The following MAPT variants were observed in gnomAD, a reference collection of about 807,000 sequenced individuals.
The protein encoded by MAPT is microtubule associated protein tau, also known as microtubule-associated protein tau.
In MAPT, 34 loss-of-function variants were observed where a neutral mutation model predicts 67.9. The ratio of observed to expected loss-of-function variants is 0.50; its 90% CI spans 0.38 to 0.67. The LOEUF (loss-of-function observed/expected upper bound fraction) is 0.67. Among genes scored for constraint, MAPT ranks in the 30% least tolerant of loss-of-function variants. MAPT has a pLI of 0.00. For missense variants in MAPT, 881 were observed against 1,115.2 expected, an observed-to-expected ratio of 0.79 and a Z score of 2.99; for synonymous variants, 456 against 464.5, an observed-to-expected ratio of 0.98 and a Z score of 0.23.
chr17:45,999,637 G>A, intron 9 of MAPT: 14 of 1,609,760 alleles, frequency 8.7e-6, no homozygotes, highest in Non-Finnish European at 1.2e-5. Flanking sequence ...CATGAGGGGT[G>A]AGAGTCAGGC....
chr17:45,983,597 ATCCCCCTCCCTGTGGATT>A lies in MAPT; in HGVS notation c.1022_1039del (p.Pro341_Phe346del), dbSNP rs2073215958. The A allele has an allele frequency of 6.2e-7, 1 of 1,613,248 alleles. No individual in the cohort carries two copies. On this transcript the variant is annotated inframe_deletion, in exon 5 of 13. Transcript: ENST00000262410. Reference sequence around the variant, plus strand: ...CCCAGGCTTCCCAGCGGAGGGTGCCATCCCCCTCCCTGTGGATTTCCTCTCCAAAGTTTCCACAGAGAT... The same window carrying A: ...CCCAGGCTTCCCAGCGGAGGGTGCCATCCTCTCCAAAGTTTCCACAGAGAT...
intron 5 of MAPT, chr17:45,985,718 G>A (rs1223238323): frequency 1.6e-5 from 16 of 985,320 alleles, no homozygotes; most frequent in Non-Finnish European, 1.9e-5. Flanking sequence ...GGATGGTGCT[G>A]GTTGATGTGG....
At chr17:45,987,294 G>A (rs1236028945) in intron 6 of MAPT, among the ~76,000 whole-genome samples, 199 bp downstream of exon 6, 2 of 152,210 alleles carry the variant, frequency 1.3e-5, no homozygotes. Flanking sequence ...CCAGGGAAGA[G>A]CAGTTGGCAG....
chr17:45,991,367 G>T, intron 7 of MAPT, 93 bp from the exon 8 acceptor site: 1 of 1,536,984 alleles, frequency 6.5e-7, no homozygotes, highest in South Asian at 1.1e-5. Context: ...GCCACGTTTT[G>T]AGTCAAGGTG....
chr17:45,982,369 G>A (rs1248281355), intron 4 of MAPT, among the ~76,000 whole-genome samples: 1 of 150,934 alleles, frequency 6.6e-6, no homozygotes, highest in East Asian at 2.0e-4. Context: ...ACAGTGAGAG[G>A]TAGGGAGAGG....
At position 45,983,717 on chromosome 17, in the gene MAPT, G is replaced by A. The variant is rs755437552; in HGVS notation, c.1138G>A (p.Val380Met). The A allele has an allele frequency of 1.3e-5, 21 of 1,614,074 alleles. No homozygotes were observed. The highest frequency in any genetic ancestry group is 7.7e-5 in the South Asian group (7 of 91,090). ...QDAPLEFTFH[V>M]EITPNVQKEQ... Reference sequence around the variant, plus strand: ...TGCCCCCCTGGAGTTCACGTTTCACGTGGAAATCACACCCAACGTGCAGAA... The same window carrying A: ...TGCCCCCCTGGAGTTCACGTTTCACATGGAAATCACACCCAACGTGCAGAA... The change falls in exon 5 of 13, where the codon GTG becomes ATG. Residue 380 changes from valine (V) to methionine (M), a missense_variant. Physicochemically the swap from Val to Met is conservative, Grantham distance 21 (BLOSUM62 1). Coordinates refer to ENST00000262410, the MANE Select transcript of MAPT (RefSeq NM_001377265.1).
At chr17:45,968,093 C>T (rs1409494115) in intron 2 of MAPT, among the ~76,000 whole-genome samples, 3 of 152,152 alleles carry the variant, frequency 2.0e-5, no homozygotes, top group African/African-American at 4.8e-5. Context: ...CTTAAAGCAG[C>T]GCGCCACAAA....
chr17:45,949,293 C>T (rs2068822483), intron 1 of MAPT, among the ~76,000 whole-genome samples: 1 of 152,248 alleles, frequency 6.6e-6, no homozygotes, highest in Non-Finnish European at 1.5e-5. Flanking sequence ...GGCCGCTCCA[C>T]GGCCGTCGGA....
intron 1 of MAPT, among the ~76,000 whole-genome samples, chr17:45,920,494 AC>A (rs2065600780): frequency 6.6e-6 from 1 of 151,742 alleles, no homozygotes; most frequent in African/African-American, 2.4e-5. Flanking sequence ...CTCAGCCTTG[AC>A]CCTCCGGCCC....
In MAPT at chr17:45,909,869, C is replaced by CAAAAAAA. The variant is rs59131080; in HGVS notation, c.-18+15201_-18+15207dup. On this transcript the variant is annotated intron_variant, in intron 1 of 12. Coordinates refer to ENST00000262410, the MANE Select transcript of MAPT (RefSeq NM_001377265.1). The stretch of plus-strand genomic sequence containing the variant: ...TGGTTGACAGAGCAAGACTCTGTCT[C>CAAAAAAA]AAAAAAAAAAAAAAAAAAAAAAAAG... Among the ~76,000 whole-genome samples the CAAAAAAA allele has an allele frequency of 4.2e-4, 25 of 59,856 alleles. 1 individual carries two copies. The highest frequency in any genetic ancestry group is 6.4e-4 in the Non-Finnish European group (21 of 32,922). The allele number at this position is 59,856 out of a possible 152,430, so 39.3% of individuals were successfully genotyped here. A position where few individuals can be genotyped will look rare whatever the true frequency, so the allele number is the denominator to read the frequency against.
intron 1 of MAPT, among the ~76,000 whole-genome samples, chr17:45,920,193 C>T (rs1256176168): frequency 6.6e-6 from 1 of 152,162 alleles, no homozygotes; most frequent in African/African-American, 2.4e-5. Context: ...TTGTGTTTTT[C>T]TTTTGTTTGG....
intron 1 of MAPT, among the ~76,000 whole-genome samples, chr17:45,941,725 T>TC (rs2067998769): frequency 8.1e-6 from 1 of 123,336 alleles, no homozygotes; most frequent in African/African-American, 3.1e-5. Flanking sequence ...CTTCCTTCCT[T>TC]CCTTCCTTCC....
chr17:45,908,224 T>C (rs1412826222), intron 1 of MAPT: 1 of 152,248 alleles, frequency 6.6e-6, no homozygotes, highest in African/African-American at 2.4e-5. Flanking sequence ...GAAGCTCATT[T>C]TTCTTCCGGC....
In MAPT at chr17:45,967,156, G is replaced by A. The variant is rs186821823; in HGVS notation, c.133+4686G>A. On this transcript the variant is annotated intron_variant, in intron 2 of 12. Coordinates refer to ENST00000262410, the MANE Select transcript of MAPT (RefSeq NM_001377265.1). ...AATATGGCTGGATACCTGCCCAAGA[G>A]AGCTGAAAAGTAGATGAAAGTTGGT... 1.6e-4 allele frequency among the ~76,000 whole-genome samples: 24 copies of A among 152,314 alleles called. No individual in the cohort carries two copies. The East Asian group carries it at 4.2e-3, about 27-fold the overall frequency.
chr17:45,957,650 A>G (rs1360051854), intron 1 of MAPT, among the ~76,000 whole-genome samples: 1 of 152,198 alleles, frequency 6.6e-6, no homozygotes, highest in Non-Finnish European at 1.5e-5. Context: ...AAAGCGACAT[A>G]AAGCCCAGGG....
At chr17:45,916,139 C>T (rs2065190404) in intron 1 of MAPT, among the ~76,000 whole-genome samples, 1 of 152,128 alleles carries the variant, frequency 6.6e-6, no homozygotes, top group African/African-American at 2.4e-5. Flanking sequence ...AGCGCAGCCC[C>T]AGGGCCCTGC....
At chr17:45,978,171 G>A (rs1375525653) in intron 3 of MAPT, 1 of 623,334 alleles carries the variant, frequency 1.6e-6, no homozygotes, top group Non-Finnish European at 2.9e-6. Context: ...TGGGTGCTGT[G>A]CCTTTTGTTT....
chr17:45,943,977 C>A (rs1470655608), intron 1 of MAPT, among the ~76,000 whole-genome samples: 1 of 152,202 alleles, frequency 6.6e-6, no homozygotes, highest in East Asian at 1.9e-4. Flanking sequence ...GAAGTTGGGA[C>A]AAAGCCTCTC....
chr17:45,962,410 G>A lies in MAPT; in HGVS notation c.73G>A (p.Asp25Asn). The change falls in exon 2 of 13, where the codon GAT becomes AAT. Residue 25 changes from aspartate to asparagine, a missense_variant. Physicochemically the swap from Asp to Asn is conservative, Grantham distance 23 (BLOSUM62 1). Transcript: ENST00000262410. ...GACGTACGGGTTGGGGGACAGGAAA[G>A]ATCAGGGGGGCTACACCATGCACCA... is the stretch of plus-strand genomic sequence containing the variant. ...AGTYGLGDRKDQGGYTMHQDQ... is the reference protein window; with the variant it reads ...AGTYGLGDRKNQGGYTMHQDQ... The A allele has an allele frequency of 6.2e-7, 1 of 1,612,842 alleles. No individual in the cohort carries two copies. The highest frequency in any genetic ancestry group is 8.5e-7 in the Non-Finnish European group (1 of 1,179,970).
Sources: allele counts gnomAD v4.1 joint callset (sites outside exome capture counted in the v4.1 genomes callset), GRCh38; gene constraint gnomAD v4.1.1; transcripts MANE v1.5; gene names NCBI Gene and HGNC (gene_info 2026-07-23, HGNC 2026-07-21).